Variants in RBBP8 observed in about 807,000 individuals in gnomAD.
RBBP8 encodes DNA endonuclease RBBP8.
RBBP8 carries 88 observed loss-of-function variants against 108.3 expected under a neutral mutation model. That is an observed-to-expected ratio of 0.81 (90% CI 0.68 to 0.97). The LOEUF is 0.97. Ranked by LOEUF, RBBP8 falls within the 50% of genes least tolerant of loss-of-function variation. The probability of loss-of-function intolerance (pLI) is 0.00; values close to 1 mark genes in which losing one functional copy is unlikely to be tolerated. For missense variants in RBBP8, 1,023 were observed against 1,049.0 expected, an observed-to-expected ratio of 0.98 and a Z score of 0.34; for synonymous variants, 332 against 348.2, an observed-to-expected ratio of 0.95 and a Z score of 0.52.
At chr18:23,022,608 A>AAAATAAAATAAAATAAAAT (rs2046366002) in intron 18 of RBBP8, among the ~76,000 whole-genome samples, 1 of 80,238 alleles carries the variant, frequency 1.2e-5, no homozygotes, top group African/African-American at 3.2e-5. Flanking sequence ...TCTCAAAAAT[A>AAAATAAAATAAAATAAAAT]AAATAAAATA....
upstream of RBBP8, among the ~76,000 whole-genome samples, chr18:22,932,514 ACCTTTC>A (rs1157943026): frequency 6.6e-6 from 1 of 152,178 alleles, no homozygotes. Context: ...TGGAAAAATT[ACCTTTC>A]CACTTTGTAT....
At chr18:22,980,287 T>G (rs149172480) in intron 6 of RBBP8, among the ~76,000 whole-genome samples, 1 of 152,022 alleles carries the variant, frequency 6.6e-6, no homozygotes, top group African/African-American at 2.4e-5. Flanking sequence ...AATTGCATAC[T>G]ATGTTAAAAA....
chr18:22,951,492 C>T (rs914309773), intron 4 of RBBP8, among the ~76,000 whole-genome samples: 5 of 152,196 alleles, frequency 3.3e-5, no homozygotes, highest in Admixed American at 2.6e-4. Flanking sequence ...GCAGCTTTTC[C>T]CACTGTACTC....
chr18:22,989,079 C>T, intron 8 of RBBP8, 142 bp from the exon 9 acceptor site: 1 of 587,570 alleles, frequency 1.7e-6, no homozygotes, highest in Non-Finnish European at 2.9e-6. Context: ...ACTTTTTGCA[C>T]AGAATTTTAA....
intron 15 of RBBP8, 99 bp from the exon 16 acceptor site, chr18:23,006,264 A>C: frequency 1.9e-6 from 2 of 1,047,214 alleles, no homozygotes; most frequent in Non-Finnish European, 2.9e-6. Flanking sequence ...AAACCCAATA[A>C]AAATGGAAGT....
At chr18:22,932,691 A>C (rs1467794995), upstream of RBBP8, among the ~76,000 whole-genome samples, 4 of 152,252 alleles carry the variant, frequency 2.6e-5, no homozygotes, top group Admixed American at 6.5e-5. Flanking sequence ...CGATTCTTTT[A>C]CAAATCAGGA....
chr18:22,976,720 G>C (rs1292872952), intron 6 of RBBP8, among the ~76,000 whole-genome samples: 1 of 152,018 alleles, frequency 6.6e-6, no homozygotes, highest in Non-Finnish European at 1.5e-5. Flanking sequence ...TTTATGTGAA[G>C]TGATTATGTA....
chr18:22,989,408 A>C, intron 9 of RBBP8, 90 bp downstream of exon 9: 1 of 957,456 alleles, frequency 1.0e-6, no homozygotes. Flanking sequence ...GAATTGTTCT[A>C]TCTAAAGATC....
At chr18:22,916,441 G>A (rs559596171) in intron 2 of RBBP8, among the ~76,000 whole-genome samples, 1 of 151,804 alleles carries the variant, frequency 6.6e-6, no homozygotes, top group Admixed American at 6.6e-5. Context: ...GGTAGATCTG[G>A]GGCCAGAACA....
chr18:22,991,073 A>T (rs1178262977), intron 10 of RBBP8, 24 bp downstream of exon 10: 1 of 1,501,244 alleles, frequency 6.7e-7, no homozygotes, highest in Admixed American at 1.7e-5. Context: ...CGTTGGTGAA[A>T]ACTGATAAGC....
intron 8 of RBBP8, among the ~76,000 whole-genome samples, chr18:22,987,643 T>C (rs567671963): frequency 2.0e-5 from 3 of 152,184 alleles, no homozygotes; most frequent in South Asian, 2.1e-4. Flanking sequence ...TGTAGAACAG[T>C]GTTTCACCAT....
chr18:22,994,014 C>CTTTTTTTTTTTTTT (rs777055614), intron 12 of RBBP8, among the ~76,000 whole-genome samples, 167 bp downstream of exon 12: 3 of 75,104 alleles, frequency 4.0e-5, no homozygotes, highest in East Asian at 4.6e-4. Flanking sequence ...TTTTTCTGTT[C>CTTTTTTTTTTTTTT]TTTTTTTTTT....
chr18:23,016,129 C>T lies in RBBP8; in HGVS notation c.2358-699C>T, dbSNP rs1568004593. On this transcript the variant is annotated intron_variant, in intron 16 of 18. Transcript: ENST00000327155. ...TTTGTCACGTTGGCCAGGCTGGTCTCGAACTCCTGACCTCAAGTGAGCCAC... is the reference window on the plus strand; with the variant it reads ...TTTGTCACGTTGGCCAGGCTGGTCTTGAACTCCTGACCTCAAGTGAGCCAC... 3.9e-5 allele frequency among the ~76,000 whole-genome samples: 6 copies of T among 152,102 alleles called. No individual in the cohort carries two copies. The South Asian group carries it at 1.2e-3, about 32-fold the overall frequency.
chr18:22,955,104 T>C (rs796576716), intron 4 of RBBP8, among the ~76,000 whole-genome samples: 13 of 152,382 alleles, frequency 8.5e-5, no homozygotes, highest in African/African-American at 3.1e-4. Context: ...CTTTAAGATC[T>C]ATTCTACCTC....
chr18:22,961,054 T>A (rs898718062), intron 4 of RBBP8, among the ~76,000 whole-genome samples: 1 of 152,214 alleles, frequency 6.6e-6, no homozygotes, highest in Non-Finnish European at 1.5e-5. Flanking sequence ...ATAGGAACAG[T>A]TCCAACAGAC....
At chr18:23,008,514 G>A (rs2144780338) in intron 16 of RBBP8, among the ~76,000 whole-genome samples, 1 of 152,182 alleles carries the variant, frequency 6.6e-6, no homozygotes, top group South Asian at 2.1e-4. Flanking sequence ...TATATTTGAT[G>A]TGTTGTAATC....
At chr18:22,975,255 A>G in intron 6 of RBBP8, 36 bp downstream of exon 6, 1 of 1,609,126 alleles carries the variant, frequency 6.2e-7, no homozygotes, top group Non-Finnish European at 8.5e-7. Flanking sequence ...ATTTTATTTT[A>G]TTTAGCTATA....
chr18:22,958,254 A>G (rs1049126963), intron 4 of RBBP8, among the ~76,000 whole-genome samples: 1 of 152,242 alleles, frequency 6.6e-6, no homozygotes, highest in Non-Finnish European at 1.5e-5. Flanking sequence ...TATTGACTGT[A>G]TAAATATTCA....
In RBBP8 at chr18:23,026,188, G is replaced by A. The variant is rs766770356; in HGVS notation, c.2642G>A (p.Arg881His). The A allele has an allele frequency of 2.1e-5, 34 of 1,613,654 alleles. No individual in the cohort carries two copies. Among genetic ancestry groups the A allele is most frequent in the South Asian group, 1.2e-4 (11 of 91,062 alleles). The change falls in exon 19 of 19, where the codon CGT becomes CAT. Residue 881 changes from arginine (R) to histidine (H), a missense_variant. Physicochemically the swap from Arg to His is conservative, Grantham distance 29 (BLOSUM62 0). Transcript: ENST00000327155. ...GATCCTTGTCCTCGTCCAAAAAGAC[G>A]TCAGCCTTACAACGCAATATTTTCT... The part of the protein sequence containing the change: ...DLDPCPRPKR[R>H]QPYNAIFSPK...
Sources: gnomAD v4.1 joint callset for allele counts (sites outside exome capture counted in the v4.1 genomes callset) on GRCh38, gnomAD v4.1.1 for gene constraint, MANE v1.5 for transcripts, NCBI Gene and HGNC (gene_info 2026-07-23, HGNC 2026-07-21) for gene names.